The following MEF2A variants were observed in gnomAD, a reference collection of about 807,000 sequenced individuals.
MEF2A encodes myocyte-specific enhancer factor 2A.
Under a neutral mutation model 55.8 loss-of-function variants are expected in MEF2A, and 28 were observed. The ratio of observed to expected loss-of-function variants is 0.50; its 90% confidence interval spans 0.37 to 0.69. MEF2A has a LOEUF of 0.69. MEF2A is among the 30% of genes least tolerant of loss of function. The probability of loss-of-function intolerance (pLI) is 0.00; values close to 1 mark genes in which losing one functional copy is unlikely to be tolerated. For missense variants in MEF2A, 528 were observed against 626.2 expected, an observed-to-expected ratio of 0.84 and a Z score of 1.67; for synonymous variants, 239 against 227.1, an observed-to-expected ratio of 1.05 and a Z score of -0.47.
Position 99,645,715 on chromosome 15 carries a change from C to T in MEF2A, c.209C>T (p.Thr70Ile). ...TDMDKVLLKY[T>I]EYNEPHESRT... ...ATGGACAAAGTTCTTCTCAAGTATACAGAATATAATGAACCTCATGAAAGC... is the reference window on the plus strand; with the variant it reads ...ATGGACAAAGTTCTTCTCAAGTATATAGAATATAATGAACCTCATGAAAGC... The change falls in exon 4 of 12, where the codon ACA becomes ATA. Residue 70 changes from threonine to isoleucine, a missense_variant. This residue lies in a region of MEF2A where 78 missense variants were observed against 150.9 expected (regional missense o/e 0.52). Coordinates refer to ENST00000557942, the MANE Select transcript of MEF2A (RefSeq NM_001319206.4). 6.2e-7 allele frequency: 1 copy of T among 1,612,978 alleles called. No individual in the cohort carries two copies. The highest frequency in any genetic ancestry group is 8.5e-7 in the Non-Finnish European group (1 of 1,179,374).
chr15:99,643,322 A>T (rs966528485), intron 3 of MEF2A, among the ~76,000 whole-genome samples: 3 of 152,182 alleles, frequency 2.0e-5, no homozygotes, highest in Non-Finnish European at 4.4e-5. Context: ...ACAACCAAAA[A>T]CTTACTTTGA....
chr15:99,667,956 A>G (rs149911335), intron 4 of MEF2A, among the ~76,000 whole-genome samples: 36 of 152,360 alleles, frequency 2.4e-4, no homozygotes, highest in African/African-American at 8.7e-4. Context: ...GTATCCTTAC[A>G]TAACTAGCGT....
chr15:99,623,325 T>C (rs1467908752), intron 2 of MEF2A, among the ~76,000 whole-genome samples: 3 of 152,254 alleles, frequency 2.0e-5, no homozygotes, highest in African/African-American at 7.2e-5. Flanking sequence ...TTCAGGTTGC[T>C]TCCACCTTTT....
At chr15:99,575,540 A>G (rs1030832467) in intron 1 of MEF2A, among the ~76,000 whole-genome samples, 1 of 152,130 alleles carries the variant, frequency 6.6e-6, no homozygotes, top group African/African-American at 2.4e-5. Flanking sequence ...CATGTTGTTG[A>G]TGTTTATTTG....
At chr15:99,614,956 G>A (rs561831642) in intron 2 of MEF2A, among the ~76,000 whole-genome samples, 2 of 152,164 alleles carry the variant, frequency 1.3e-5, no homozygotes, top group Non-Finnish European at 2.9e-5. Context: ...TACAGGCCAT[G>A]TTAAAGGCTT....
chr15:99,575,570 T>C (rs1964006215), intron 1 of MEF2A, among the ~76,000 whole-genome samples: 1 of 152,238 alleles, frequency 6.6e-6, no homozygotes, highest in African/African-American at 2.4e-5. Context: ...GTTAAGGTTT[T>C]ACCTGCTAGT....
intron 2 of MEF2A, among the ~76,000 whole-genome samples, chr15:99,629,020 A>G (rs954455714): frequency 2.7e-5 from 4 of 145,662 alleles, no homozygotes; most frequent in Non-Finnish European, 4.5e-5. Flanking sequence ...CCCCACCAGC[A>G]TTTTGAAGAT....
At chr15:99,654,616 T>C (rs892632138) in intron 4 of MEF2A, among the ~76,000 whole-genome samples, 2 of 151,826 alleles carry the variant, frequency 1.3e-5, no homozygotes, top group African/African-American at 4.8e-5. Flanking sequence ...TAAGAAAAAT[T>C]CCAGCAGCAT....
intron 10 of MEF2A, 121 bp downstream of exon 10, chr15:99,706,976 T>A: frequency 8.2e-7 from 1 of 1,221,174 alleles, no homozygotes. Context: ...TTTTTAGATT[T>A]AAATTAGGAT....
At chr15:99,608,932 T>C (rs976227045) in intron 2 of MEF2A, among the ~76,000 whole-genome samples, 28 of 152,114 alleles carry the variant, frequency 1.8e-4, no homozygotes, top group Non-Finnish European at 3.1e-4. Context: ...TATTTTGTTG[T>C]TCTGATTTTA....
At chr15:99,704,878 T>G (rs1379134640) in intron 9 of MEF2A, among the ~76,000 whole-genome samples, 1 of 152,244 alleles carries the variant, frequency 6.6e-6, no homozygotes, top group African/African-American at 2.4e-5. Flanking sequence ...CTGGCATACA[T>G]TGATTTTCCA....
chr15:99,708,369 C>T (rs1192050890), intron 10 of MEF2A, among the ~76,000 whole-genome samples: 1 of 152,218 alleles, frequency 6.6e-6, no homozygotes, highest in Non-Finnish European at 1.5e-5. Flanking sequence ...CTGACCGTTT[C>T]ATTACAGGTT....
intron 4 of MEF2A, among the ~76,000 whole-genome samples, chr15:99,670,846 G>T (rs992339175): frequency 1.3e-5 from 2 of 152,220 alleles, no homozygotes; most frequent in Non-Finnish European, 2.9e-5. Flanking sequence ...TTGGGATATT[G>T]TGCTGATTCT....
In MEF2A at chr15:99,632,959, A is replaced by G; in HGVS notation, c.-142-19A>G. 1.8e-6 allele frequency: 1 copy of G among 553,328 alleles called. No homozygotes were observed. The highest frequency in any genetic ancestry group is 3.7e-5 in the Admixed American group (1 of 27,286). The allele number at this position is 553,328 out of a possible 1,614,324, so 34.3% of individuals were successfully genotyped here. On this transcript the variant is annotated intron_variant, in intron 2 of 11. Coordinates refer to ENST00000557942, the MANE Select transcript of MEF2A (RefSeq NM_001319206.4). ...TAAACTTACAGATTTTAAATCTTCTAATTTGTGTTTTCTTTTAGATCTTGT... is the reference window on the plus strand; with the variant it reads ...TAAACTTACAGATTTTAAATCTTCTGATTTGTGTTTTCTTTTAGATCTTGT...
chr15:99,634,571 G>A (rs554772147), intron 3 of MEF2A, among the ~76,000 whole-genome samples: 7 of 152,234 alleles, frequency 4.6e-5, no homozygotes, highest in African/African-American at 1.2e-4. Context: ...TAAAATTTTC[G>A]AGCCCTTATT....
At chr15:99,580,408 G>C (rs140821917) in intron 1 of MEF2A, among the ~76,000 whole-genome samples, 1 of 152,278 alleles carries the variant, frequency 6.6e-6, no homozygotes, top group East Asian at 1.9e-4. Context: ...TTTACTTTGA[G>C]AGGGGTGAGG....
At chr15:99,643,141 T>A (rs1212742197) in intron 3 of MEF2A, among the ~76,000 whole-genome samples, 1 of 152,216 alleles carries the variant, frequency 6.6e-6, no homozygotes, top group Non-Finnish European at 1.5e-5. Context: ...GTAGTTAGTA[T>A]TCTGTAGCCT....
chr15:99,674,651 G>GAT (rs746061964), intron 6 of MEF2A, 39 bp downstream of exon 6: 22 of 1,528,494 alleles, frequency 1.4e-5, no homozygotes, highest in Non-Finnish European at 1.7e-5. Context: ...CTTTAATAAA[G>GAT]AGGGTGAAAA....
At chr15:99,638,924 G>A (rs1202278359) in intron 3 of MEF2A, among the ~76,000 whole-genome samples, 2 of 152,044 alleles carry the variant, frequency 1.3e-5, no homozygotes, top group Admixed American at 6.5e-5. Flanking sequence ...GCTTTCTGAT[G>A]TCTTTAAAGA....
Sources: allele counts gnomAD v4.1 joint callset (sites outside exome capture counted in the v4.1 genomes callset), GRCh38; gene constraint gnomAD v4.1.1; regional missense constraint gnomAD v4.1.1; transcripts MANE v1.5; gene names NCBI Gene and HGNC (gene_info 2026-07-23, HGNC 2026-07-21).